The following NCOA3 variants were observed in gnomAD, a reference collection of about 807,000 sequenced individuals.
The protein encoded by NCOA3 is nuclear receptor coactivator 3, also known as CBP-interacting protein.
Under a neutral mutation model 158.8 loss-of-function variants are expected in NCOA3, and 51 were observed. The ratio of observed to expected loss-of-function variants is 0.32; its 90% confidence interval spans 0.26 to 0.41. The LOEUF (loss-of-function observed/expected upper bound fraction) is 0.41. Among genes scored for constraint, NCOA3 ranks in the 10% least tolerant of loss-of-function variants. The pLI is 1.00. For synonymous variants in NCOA3, 537 were observed against 592.4 expected (o/e 0.91, Z 1.36); for missense variants, 1,510 against 1,746.6 (o/e 0.86, Z 2.41).
intron 2 of NCOA3, among the ~76,000 whole-genome samples, chr20:47,606,906 GC>G (rs1462097522): frequency 2.6e-5 from 4 of 152,150 alleles, no homozygotes; most frequent in African/African-American, 9.7e-5. Context: ...ACTTGAATCG[GC>G]CACCATGAGC....
In NCOA3 at chr20:47,522,099, C is replaced by CTTTTTTTTTTTTTTTTTTTTTTTTT. The variant is rs772811888; in HGVS notation, c.-99+20103_-99+20104insTTTTTTTTTTTTTTTTTTTTTTTTT. Among the ~76,000 whole-genome samples, 11 of 76,816 alleles carry CTTTTTTTTTTTTTTTTTTTTTTTTT rather than the reference C, an allele frequency of 1.4e-4. 1 individual carries two copies. Among genetic ancestry groups the CTTTTTTTTTTTTTTTTTTTTTTTTT allele is most frequent in the Non-Finnish European group, 2.2e-4 (9 of 40,964 alleles). The allele number at this position is 76,816 out of a possible 152,430, so 50.4% of individuals were successfully genotyped here. A position where few individuals can be genotyped will look rare whatever the true frequency, so the allele number is the denominator to read the frequency against. On this transcript the variant is annotated intron_variant, in intron 1 of 22. Transcript: ENST00000371998. ...GTTTTGTAGTTACCATTGTACAGAT[C>CTTTTTTTTTTTTTTTTTTTTTTTTT]TTTTTTTTTTTTTTTTTTTTTTTGA...
At chr20:47,502,473 C>A (rs1051325081) in intron 1 of NCOA3, among the ~76,000 whole-genome samples, 1 of 152,200 alleles carries the variant, frequency 6.6e-6, no homozygotes, top group Non-Finnish European at 1.5e-5. Context: ...GGGGACCCCC[C>A]CCACCCCAGC....
intron 2 of NCOA3, among the ~76,000 whole-genome samples, chr20:47,593,282 A>G (rs1422906422): frequency 6.9e-6 from 1 of 145,376 alleles, no homozygotes; most frequent in Non-Finnish European, 1.5e-5. Flanking sequence ...CTGCGGTATC[A>G]TTCATTGTCT....
chr20:47,523,999 CTAATT>C (rs2084386569), intron 1 of NCOA3, among the ~76,000 whole-genome samples: 1 of 152,182 alleles, frequency 6.6e-6, no homozygotes, highest in East Asian at 1.9e-4. Context: ...AATCGCCTTA[CTAATT>C]AAGTACCATC....
chr20:47,626,519 G>T (rs2086324437), intron 5 of NCOA3, among the ~76,000 whole-genome samples: 2 of 129,604 alleles, frequency 1.5e-5, no homozygotes, highest in African/African-American at 6.1e-5. Context: ...CCCCAGTAAG[G>T]CCTGTAGTAA....
At chr20:47,644,932 G>A (rs1345264863) in intron 17 of NCOA3, among the ~76,000 whole-genome samples, 1 of 151,230 alleles carries the variant, frequency 6.6e-6, no homozygotes, top group African/African-American at 2.4e-5. Context: ...TCCTGACCTC[G>A]TGATCCACCT....
At chr20:47,651,355 G>C in intron 20 of NCOA3, 79 bp downstream of exon 20, 6 of 1,517,050 alleles carry the variant, frequency 4.0e-6, no homozygotes, top group Non-Finnish European at 5.3e-6. Context: ...TATTGCACAT[G>C]AAAGACAAAA....
intron 18 of NCOA3, among the ~76,000 whole-genome samples, chr20:47,647,956 C>T (rs1266229437): frequency 6.7e-6 from 1 of 148,690 alleles, no homozygotes; most frequent in Admixed American, 6.7e-5. Context: ...GCTCTGTCGC[C>T]CAGGCTGGAG....
At chr20:47,575,839 ATAG>A (rs1189318616) in intron 1 of NCOA3, among the ~76,000 whole-genome samples, 8 of 152,246 alleles carry the variant, frequency 5.3e-5, no homozygotes, top group Non-Finnish European at 1.2e-4. Flanking sequence ...AATCATTTTA[ATAG>A]TAGAGCAGTT....
intron 17 of NCOA3, among the ~76,000 whole-genome samples, chr20:47,646,661 C>G (rs1466244382): frequency 6.6e-6 from 1 of 152,098 alleles, no homozygotes; most frequent in Non-Finnish European, 1.5e-5. Flanking sequence ...GAACAGTTAG[C>G]ATTCATTCAA....
At chr20:47,637,969 T>A (rs999621679) in intron 13 of NCOA3, among the ~76,000 whole-genome samples, 186 bp downstream of exon 13, 6 of 152,200 alleles carry the variant, frequency 3.9e-5, no homozygotes, top group African/African-American at 9.6e-5. Context: ...TCCTGTTTTT[T>A]AAAAATTAAA....
intron 20 of NCOA3, among the ~76,000 whole-genome samples, chr20:47,651,624 C>T (rs1431559265): frequency 6.6e-6 from 1 of 152,086 alleles, no homozygotes; most frequent in South Asian, 2.1e-4. Context: ...GAGAGGAATG[C>T]ACTTTGTGGG....
intron 1 of NCOA3, among the ~76,000 whole-genome samples, chr20:47,577,875 G>A (rs978334350): frequency 2.0e-5 from 3 of 152,172 alleles, no homozygotes; most frequent in African/African-American, 4.8e-5. Context: ...TATTAAATAT[G>A]TAGAATACAT....
intron 1 of NCOA3, among the ~76,000 whole-genome samples, chr20:47,508,156 A>G (rs2084058694): frequency 6.6e-6 from 1 of 152,186 alleles, no homozygotes. Context: ...TAAGAAAAAG[A>G]CTGTTCTTAT....
intron 1 of NCOA3, among the ~76,000 whole-genome samples, chr20:47,536,805 CT>C (rs1227796813): frequency 0.12 from 15,608 of 129,602 alleles, 992 homozygotes; most frequent in African/African-American, 0.22. Context: ...CTGTTTTTTT[CT>C]TTTTTTTTTT....
At chr20:47,519,533 A>G (rs868803107) in intron 1 of NCOA3, among the ~76,000 whole-genome samples, 2 of 152,212 alleles carry the variant, frequency 1.3e-5, no homozygotes, top group Non-Finnish European at 2.9e-5. Context: ...AGCAGTGGAG[A>G]AACAAGGGAG....
chr20:47,611,725 G>A (rs1308975468), intron 2 of NCOA3, among the ~76,000 whole-genome samples: 1 of 152,126 alleles, frequency 6.6e-6, no homozygotes, highest in Non-Finnish European at 1.5e-5. Flanking sequence ...CTGGGAGGCG[G>A]AAGTTTTAGT....
At chr20:47,531,204 T>TGG (rs1314082822) in intron 1 of NCOA3, among the ~76,000 whole-genome samples, 2 of 152,110 alleles carry the variant, frequency 1.3e-5, no homozygotes, top group Admixed American at 6.6e-5. Context: ...CCGGGTTTGG[T>TGG]GGTGGTCACT....
At chr20:47,511,550 T>TATATATATATATACATACACACAC in intron 1 of NCOA3, among the ~76,000 whole-genome samples, 35 of 52,270 alleles carry the variant, frequency 6.7e-4, no homozygotes, top group African/African-American at 1.9e-3. Flanking sequence ...TATATATATA[T>TATATATATATATACATACACACAC]ATATATTTCT....
Sources: allele counts gnomAD v4.1 joint callset (sites outside exome capture counted in the v4.1 genomes callset), GRCh38; gene constraint gnomAD v4.1.1; transcripts MANE v1.5; gene names NCBI Gene and HGNC (gene_info 2026-07-23, HGNC 2026-07-21).